The following NLRC5 variants were observed in gnomAD, a reference collection of about 807,000 sequenced individuals.
The protein encoded by NLRC5 is protein NLRC5.
NLRC5 carries 114 observed loss-of-function variants against 206.9 expected under a neutral mutation model. That is an observed-to-expected ratio of 0.55 (90% CI 0.47 to 0.64). The LOEUF (loss-of-function observed/expected upper bound fraction) is 0.64, where lower values mean the gene tolerates loss of function less well. Among genes scored for constraint, NLRC5 ranks in the 30% least tolerant of loss-of-function variants. The pLI is 0.00. For missense variants in NLRC5, 2,008 were observed against 2,305.5 expected, an observed-to-expected ratio of 0.87 and a Z score of 2.64; for synonymous variants, 952 against 962.8, an observed-to-expected ratio of 0.99 and a Z score of 0.21.
rs200253772 is a variant in NLRC5, at chr16:57,022,333, G to A, written c.355+18G>A. ...CCACCATGGTGAGGACTGGAGTTGG[G>A]GGGTGGGAAGGGGGTGGTGAGCACT... On this transcript the variant is annotated intron_variant, in intron 4 of 48. Transcript: ENST00000688547. The A allele has an allele frequency of 3.3e-5, 53 of 1,602,274 alleles. No individual in the cohort carries two copies. The highest frequency in any genetic ancestry group is 4.3e-5 in the Non-Finnish European group (50 of 1,170,434).
chr16:57,011,007 C>A (rs1385355143), intron 1 of NLRC5, among the ~76,000 whole-genome samples: 1 of 152,176 alleles, frequency 6.6e-6, no homozygotes, highest in Non-Finnish European at 1.5e-5. Flanking sequence ...GGCCCAGACC[C>A]CTCCTCAGAC....
chr16:57,055,073 A>C lies in NLRC5; in HGVS notation c.3638A>C (p.Glu1213Ala), dbSNP rs1308539659. Residue 1213 changes from glutamate to alanine, a missense_variant, in exon 26 of 49, where the codon GAG becomes GCG. Physicochemically the swap from Glu to Ala is moderately radical, Grantham distance 107 (BLOSUM62 -1). Coordinates refer to ENST00000688547, the MANE Select transcript of NLRC5 (RefSeq NM_001384950.1). ...ACTTTGCACTTCAGATCCAACGAGG[A>C]GGAGGAAGGCGTGTGCTGTGGGTAA... Reference protein sequence around the residue: ...HATLHFRSNEEEEGVCCGRFT... With the variant: ...HATLHFRSNEAEEGVCCGRFT... 2.5e-6 allele frequency: 4 copies of C among 1,614,084 alleles called. No homozygotes were observed. The highest frequency in any genetic ancestry group is 3.4e-6 in the Non-Finnish European group (4 of 1,180,044).
chr16:57,040,768 C>A (rs368639963), intron 17 of NLRC5, 50 bp downstream of exon 17: 2 of 1,565,026 alleles, frequency 1.3e-6, no homozygotes, highest in African/African-American at 2.7e-5. Flanking sequence ...CCCTCCCTTC[C>A]CCTGCTCAGA....
At chr16:56,995,707 G>T (rs1193332163) in intron 1 of NLRC5, among the ~76,000 whole-genome samples, 4 of 152,290 alleles carry the variant, frequency 2.6e-5, no homozygotes, top group East Asian at 1.9e-4. Flanking sequence ...TGGGAAGCTG[G>T]TGCTTTGAGG....
intron 27 of NLRC5, among the ~76,000 whole-genome samples, chr16:57,056,737 C>G (rs553465743): frequency 1.3e-5 from 2 of 152,068 alleles, no homozygotes; most frequent in African/African-American, 4.8e-5. Context: ...CGGCTCACTG[C>G]AACTTCCGCC....
intron 28 of NLRC5, 48 bp downstream of exon 28, chr16:57,058,196 C>A: frequency 1.3e-6 from 2 of 1,514,790 alleles, no homozygotes; most frequent in East Asian, 4.8e-5. Context: ...GGAAGGCTCC[C>A]CTAGGCCAAA....
intron 24 of NLRC5, among the ~76,000 whole-genome samples, chr16:57,053,775 C>A (rs148127795): frequency 6.6e-6 from 1 of 152,158 alleles, no homozygotes; most frequent in Non-Finnish European, 1.5e-5. Flanking sequence ...GTGATCCGCC[C>A]GCCTCGGCTT....
intron 39 of NLRC5, 130 bp from the exon 40 acceptor site, chr16:57,076,683 GACCCCC>G (rs2068444603): frequency 1.3e-6 from 1 of 746,196 alleles, no homozygotes; most frequent in Non-Finnish European, 2.3e-6. Context: ...CACCTGCCAT[GACCCCC>G]AGAAGTTTTG....
chr16:57,038,140 C>A (rs548918071), intron 15 of NLRC5, among the ~76,000 whole-genome samples: 1 of 151,920 alleles, frequency 6.6e-6, no homozygotes, highest in Admixed American at 6.5e-5. Context: ...AATGTTTAAC[C>A]GAGGGATATT....
At chr16:56,989,839 G>A (rs1190779381) in intron 1 of NLRC5, among the ~76,000 whole-genome samples, 1 of 152,242 alleles carries the variant, frequency 6.6e-6, no homozygotes, top group Non-Finnish European at 1.5e-5. Flanking sequence ...GCAGTTTGGA[G>A]GAAGAGTTGC....
At chr16:57,015,378 A>T (rs546435404) in intron 1 of NLRC5, among the ~76,000 whole-genome samples, 2 of 152,162 alleles carry the variant, frequency 1.3e-5, no homozygotes, top group East Asian at 1.9e-4. Flanking sequence ...GGACACAAAC[A>T]TTCAGTCCAC....
In NLRC5 at chr16:57,077,282, T is replaced by C. The variant is rs199661090; in HGVS notation, c.4836-14T>C. 7.8e-5 allele frequency: 126 copies of C among 1,613,034 alleles called. No homozygotes were observed. In the Admixed American group the frequency reaches 2.0e-3, roughly 26 times the overall value. The stretch of plus-strand genomic sequence containing the variant: ...AGACGGCAGAAGGCTGATGAAGCTG[T>C]TTTCTCCCCCAAGCTTGAGCCACAA... On this transcript the variant is annotated splice_polypyrimidine_tract_variant and intron_variant, in intron 40 of 48. Transcript: ENST00000688547.
intron 1 of NLRC5, among the ~76,000 whole-genome samples, chr16:56,996,118 C>T (rs1304099715): frequency 6.6e-6 from 1 of 152,162 alleles, no homozygotes; most frequent in African/African-American, 2.4e-5. Flanking sequence ...TGCAGCAATA[C>T]CCAGCTACAG....
At chr16:57,009,326 G>T (rs2059248432) in intron 1 of NLRC5, among the ~76,000 whole-genome samples, 1 of 151,548 alleles carries the variant, frequency 6.6e-6, no homozygotes, top group Non-Finnish European at 1.5e-5. Flanking sequence ...GGGCGCAGTG[G>T]CTCATGCCTC....
rs747020552 is a variant in NLRC5 at position 57,055,423 on chromosome 16, C to G, written c.3660-10C>G. Reference sequence around the variant, plus strand: ...CCCATCCCCTGCTTGTCCCCTTTACCTCCGTCCAGCAGGTTCACAGGCTGC... The same window carrying G: ...CCCATCCCCTGCTTGTCCCCTTTACGTCCGTCCAGCAGGTTCACAGGCTGC... On this transcript the variant is annotated splice_polypyrimidine_tract_variant and intron_variant, in intron 26 of 48. Transcript: ENST00000688547. 5 of 1,613,436 alleles carry G rather than the reference C, an allele frequency of 3.1e-6. No homozygotes were observed. In the South Asian group the frequency reaches 5.5e-5, roughly 18 times the overall value.
Position 57,081,628 on chromosome 16 carries a change from G to A in NLRC5, c.5489+18G>A. 1.2e-6 allele frequency: 2 copies of A among 1,608,414 alleles called. No individual in the cohort carries two copies. The highest frequency in any genetic ancestry group is 1.3e-5 in the African/African-American group (1 of 74,950). On this transcript the variant is annotated intron_variant, in intron 48 of 48. Coordinates refer to ENST00000688547, the MANE Select transcript of NLRC5 (RefSeq NM_001384950.1). ...GTCATCCGGTAACAGAGGCCTGCAG[G>A]GGCAGGGATGGTGGGTGGGAGGCTA...
In NLRC5 at chr16:57,076,877, G is replaced by A; in HGVS notation, c.4810G>A (p.Ala1604Thr). ...CTGCCACCTTTCTGAGGCTCTCAGG[G>A]CTGCCACCAGCCTAGAGGAGCTGGA... ...GCCHLSEALR[A>T]ATSLEELDLS... The change falls in exon 40 of 49, where the codon GCT becomes ACT. Residue 1604 changes from alanine to threonine, a missense_variant. By Grantham distance (58) the Ala-to-Thr change is moderately conservative. Coordinates refer to ENST00000688547, the MANE Select transcript of NLRC5 (RefSeq NM_001384950.1). 6.2e-7 allele frequency: 1 copy of A among 1,614,034 alleles called. No homozygotes were observed. The highest frequency in any genetic ancestry group is 2.2e-5 in the East Asian group (1 of 44,886).
intron 1 of NLRC5, among the ~76,000 whole-genome samples, chr16:57,016,331 C>A (rs1292893246): frequency 1.3e-5 from 2 of 152,232 alleles, no homozygotes; most frequent in Non-Finnish European, 2.9e-5. Context: ...TACATACCAC[C>A]TCCATTATGT....
At chr16:57,076,673 C>A in intron 39 of NLRC5, 146 bp from the exon 40 acceptor site, 1 of 701,982 alleles carries the variant, frequency 1.4e-6, no homozygotes, top group Non-Finnish European at 2.5e-6. Context: ...CACCACTCCC[C>A]ACCTGCCATG....
Sources: gnomAD v4.1 joint callset for allele counts (sites outside exome capture counted in the v4.1 genomes callset) on GRCh38, gnomAD v4.1.1 for gene constraint, MANE v1.5 for transcripts, NCBI Gene and HGNC (gene_info 2026-07-23, HGNC 2026-07-21) for gene names.